Variants in ADGRA2 observed in about 807,000 individuals in gnomAD.
ADGRA2 encodes adhesion G protein-coupled receptor A2.
In ADGRA2, 61 loss-of-function variants were observed where a neutral mutation model predicts 98.7. That is an observed-to-expected ratio of 0.62 (90% CI 0.50 to 0.76). The LOEUF is 0.76. Ranked by LOEUF, ADGRA2 falls within the 30% of genes least tolerant of loss-of-function variation. The pLI, the probability that ADGRA2 is intolerant of heterozygous loss-of-function variation, is 0.00. For missense variants in ADGRA2, 1,712 were observed against 1,860.0 expected, an observed-to-expected ratio of 0.92 and a Z score of 1.46; for synonymous variants, 858 against 831.5, an observed-to-expected ratio of 1.03 and a Z score of -0.55.
rs1305313422 is a variant in ADGRA2 at position 37,828,162 on chromosome 8, A to G, written c.339-726A>G. Among the ~76,000 whole-genome samples the G allele has an allele frequency of 2.6e-5, 4 of 151,624 alleles. No homozygotes were observed. The East Asian group carries it at 7.8e-4, about 29-fold the overall frequency. On this transcript the variant is annotated intron_variant, in intron 2 of 18. Coordinates refer to ENST00000412232, the MANE Select transcript of ADGRA2 (RefSeq NM_032777.10). ...CTCAAAAACAAAACAAAACAAAACA[A>G]CTACCCCTCCCATGCGTCCCCTCCC...
Position 37,843,105 on chromosome 8 carries a change from C to T in ADGRA2, c.*750C>T, listed in dbSNP as rs1296938955. 2 of 152,444 alleles carry T rather than the reference C, an allele frequency of 1.3e-5. No homozygotes were observed. The highest frequency in any genetic ancestry group is 2.9e-5 in the Non-Finnish European group (2 of 68,220). The allele number at this position is 152,444 out of a possible 1,614,324, so 9.4% of individuals were successfully genotyped here. ...ACCTCAACAGCTGACTGCCAGGTGC[C>T]TGTGGGTGAACTGAGGGGAGTAGAG... is the stretch of plus-strand genomic sequence containing the variant. On this transcript the variant is annotated 3_prime_UTR_variant, in exon 19 of 19. Coordinates refer to ENST00000412232, the MANE Select transcript of ADGRA2 (RefSeq NM_032777.10).
chr8:37,841,285 G>A lies in ADGRA2; in HGVS notation c.2947G>A (p.Gly983Ser), dbSNP rs1228938865. Residue 983 changes from glycine to serine, a missense_variant, in exon 19 of 19, where the codon GGC (glycine) becomes AGC (serine). Gly to Ser is a moderately conservative substitution (Grantham distance 56). Transcript: ENST00000412232. This position sits in a 1 kb window ranked among gnomAD's most constrained non-coding sequence, Gnocchi z 5.0. ...LRGSTRLRGS[G>S]PLLSDSGSLL... is the part of the protein sequence containing the mutation. ...GGGTTCCACCAGGCTCAGGGGCAGC[G>A]GCCCCCTCCTGAGTGACTCAGGTTC... 1 of 1,611,022 alleles carries A rather than the reference G, an allele frequency of 6.2e-7. No individual in the cohort carries two copies. The highest frequency in any genetic ancestry group is 2.2e-5 in the East Asian group (1 of 44,818).
intron 2 of ADGRA2, among the ~76,000 whole-genome samples, chr8:37,824,553 G>C (rs576775498): frequency 2.1e-5 from 3 of 146,320 alleles, no homozygotes; most frequent in Non-Finnish European, 4.5e-5. Context: ...GAGTGCAATG[G>C]TGTGATCTCA....
chr8:37,805,652 G>A (rs867403667), intron 1 of ADGRA2, among the ~76,000 whole-genome samples: 12 of 151,796 alleles, frequency 7.9e-5, no homozygotes, highest in Non-Finnish European at 1.0e-4. Context: ...GGTGGATCAC[G>A]AGGTCAGGAG....
chr8:37,805,206 G>A (rs1369734137), intron 1 of ADGRA2, among the ~76,000 whole-genome samples: 1 of 152,214 alleles, frequency 6.6e-6, no homozygotes, highest in Non-Finnish European at 1.5e-5. Flanking sequence ...CCATCCTGGA[G>A]CTCTGCCCCT....
In ADGRA2 at chr8:37,839,640, C is replaced by T; in HGVS notation, c.2511+18C>T. ...GCCAGGCGGTAAGCAGGAGAAGGGG[C>T]TCTGGGGGTGGTGCTCCGAGATGAG... On this transcript the variant is annotated intron_variant, in intron 16 of 18. Coordinates refer to ENST00000412232, the MANE Select transcript of ADGRA2 (RefSeq NM_032777.10). The T allele has an allele frequency of 4.3e-6, 7 of 1,612,666 alleles. No homozygotes were observed. The highest frequency in any genetic ancestry group is 5.9e-6 in the Non-Finnish European group (7 of 1,179,208).
chr8:37,841,178 G>T lies in ADGRA2; in HGVS notation c.2840G>T (p.Gly947Val). 1 of 1,613,180 alleles carries T rather than the reference G, an allele frequency of 6.2e-7. No individual in the cohort carries two copies. Among genetic ancestry groups the T allele is most frequent in the South Asian group, 1.1e-5 (1 of 91,088 alleles). ...LITWIYFLCAGLRLRGPLAQN... is the reference protein window; with the variant it reads ...LITWIYFLCAVLRLRGPLAQN... Reference sequence around the variant, plus strand: ...ACCTGGATCTATTTCCTGTGCGCCGGGCTACGCTTACGGGGTCCTCTGGCA... The same window carrying T: ...ACCTGGATCTATTTCCTGTGCGCCGTGCTACGCTTACGGGGTCCTCTGGCA... Residue 947 changes from glycine (G) to valine (V), a missense_variant, in exon 19 of 19, where the codon GGG becomes GTG. Coordinates refer to ENST00000412232, the MANE Select transcript of ADGRA2 (RefSeq NM_032777.10). This position sits in a 1 kb window ranked among gnomAD's most constrained non-coding sequence, Gnocchi z 5.0.
In ADGRA2 at chr8:37,839,082, AG is replaced by A. The variant is rs1310931068; in HGVS notation, c.2387+1del. The stretch of plus-strand genomic sequence containing the variant: ...CATCATCACCTACATCCTCAACCAC[AG>A]GTGGGTGCTCCTGCAGGAGGGAGGG... ...ATIITYILNH[S>X]SIRVSRKGWH... On this transcript the variant is annotated frameshift_variant and splice_region_variant, in exon 15 of 19. Coordinates refer to ENST00000412232, the MANE Select transcript of ADGRA2 (RefSeq NM_032777.10). LOFTEE classifies it high-confidence loss of function. The A allele has an allele frequency of 2.2e-5, 36 of 1,607,936 alleles. No homozygotes were observed. Among genetic ancestry groups the A allele is most frequent in the Non-Finnish European group, 3.0e-5 (35 of 1,176,980 alleles).
intron 2 of ADGRA2, 60 bp from the exon 3 acceptor site, chr8:37,828,828 C>G: frequency 7.2e-7 from 1 of 1,385,038 alleles, no homozygotes; most frequent in Non-Finnish European, 9.9e-7. Flanking sequence ...GGACCCCTCC[C>G]GGGGAGCAGG....
In ADGRA2 at chr8:37,833,983, T is replaced by C. The variant is rs1805535106; in HGVS notation, c.1463T>C (p.Val488Ala). The C allele has an allele frequency of 6.2e-7, 1 of 1,612,764 alleles. No individual in the cohort carries two copies. Among genetic ancestry groups the C allele is most frequent in the Non-Finnish European group, 8.5e-7 (1 of 1,179,602 alleles). Residue 488 changes from valine (V) to alanine (A), a missense_variant, in exon 11 of 19, where the codon GTG (valine) becomes GCG (alanine). Val to Ala is a moderately conservative substitution (Grantham distance 64). Transcript: ENST00000412232. ...TCCCCCCAGCTGGTAGAGGTGATGG[T>C]GGACATGGCCAGCAACCTGATGCTG... ...DQIKELVEVMVDMASNLMLVD... is the reference protein window; with the variant it reads ...DQIKELVEVMADMASNLMLVD...
At chr8:37,806,403 G>A (rs1380530030) in intron 1 of ADGRA2, among the ~76,000 whole-genome samples, 1 of 151,996 alleles carries the variant, frequency 6.6e-6, no homozygotes, top group African/African-American at 2.4e-5. Context: ...TCCCCATCAA[G>A]GTATACTGAT....
chr8:37,828,481 CTTT>C (rs35779657), intron 2 of ADGRA2, among the ~76,000 whole-genome samples: 2 of 82,982 alleles, frequency 2.4e-5, no homozygotes, highest in East Asian at 4.2e-4. Flanking sequence ...GGGGGTGGTT[CTTT>C]TTTTTTTTTT....
chr8:37,822,485 G>A (rs1013391308), intron 2 of ADGRA2, among the ~76,000 whole-genome samples: 21 of 151,306 alleles, frequency 1.4e-4, no homozygotes, highest in African/African-American at 3.9e-4. Context: ...AAGTTCACCC[G>A]TTTAAAAAAA....
Position 37,829,874 on chromosome 8 carries a change from C to A in ADGRA2, c.578C>A (p.Thr193Asn). ...KVVDLGTEFL[T>N]CDCHLRWLLP... ...AGGGACTTGGGCACCGAGTTCCTGA[C>A]CTGTGACTGCCACCTGCGCTGGCTG... Residue 193 changes from threonine (T) to asparagine (N), a missense_variant, in exon 6 of 19, where the codon ACC becomes AAC. By Grantham distance (65) the Thr-to-Asn change is moderately conservative. Transcript: ENST00000412232. 1 of 1,612,754 alleles carries A rather than the reference C, an allele frequency of 6.2e-7. No homozygotes were observed. Among genetic ancestry groups the A allele is most frequent in the Non-Finnish European group, 8.5e-7 (1 of 1,179,796 alleles).
rs755107528 is a variant in ADGRA2, at chr8:37,833,677, C to T, written c.1297-11C>T. 5.6e-6 allele frequency: 9 copies of T among 1,613,598 alleles called. No individual in the cohort carries two copies. Among genetic ancestry groups the T allele is most frequent in the South Asian group, 1.1e-5 (1 of 91,064 alleles). Reference sequence around the variant, plus strand: ...AGGCGAGATGATCCTCTCTCTTCCCCCAATCCCCAGATGCCCATCAATGCC... The same window carrying T: ...AGGCGAGATGATCCTCTCTCTTCCCTCAATCCCCAGATGCCCATCAATGCC... On this transcript the variant is annotated splice_polypyrimidine_tract_variant and intron_variant, in intron 9 of 18. Coordinates refer to ENST00000412232, the MANE Select transcript of ADGRA2 (RefSeq NM_032777.10).
Position 37,823,036 on chromosome 8 carries a change from C to T in ADGRA2, c.339-5852C>T, listed in dbSNP as rs544162550. ...CCTCCTGAGTACCTGGGATTACAGG[C>T]GCGCACTACCACACCCGGCTAATTT... is the stretch of plus-strand genomic sequence containing the variant. On this transcript the variant is annotated intron_variant, in intron 2 of 18. Transcript: ENST00000412232. Among the ~76,000 whole-genome samples, 8 of 151,792 alleles carry T rather than the reference C, an allele frequency of 5.3e-5. No individual in the cohort carries two copies. In the East Asian group the frequency reaches 9.7e-4, roughly 18 times the overall value.
At chr8:37,803,500 AT>A (rs1477835502) in intron 1 of ADGRA2, among the ~76,000 whole-genome samples, 1 of 152,138 alleles carries the variant, frequency 6.6e-6, no homozygotes, top group African/African-American at 2.4e-5. Context: ...GTTTATTTTC[AT>A]TCCCCCAGCC....
At chr8:37,820,063 C>T (rs1233385489) in intron 2 of ADGRA2, among the ~76,000 whole-genome samples, 2 of 152,196 alleles carry the variant, frequency 1.3e-5, no homozygotes, top group African/African-American at 4.8e-5. Flanking sequence ...AGAAGTCAGA[C>T]AGGAGCAGAC....
chr8:37,797,354 C>T lies in ADGRA2; in HGVS notation c.86C>T (p.Pro29Leu), dbSNP rs1804359300. The change falls in exon 1 of 19, where the codon CCC becomes CTC. Residue 29 changes from proline to leucine, a missense_variant. Transcript: ENST00000412232. This position sits in a 1 kb window ranked among gnomAD's most constrained non-coding sequence, Gnocchi z 5.3. ...LLPWLLLLLA[P>L]EARGAPGCPL... ...CCGTGGCTCCTGCTGCTCCTGGCGC[C>T]CGAGGCTCGGGGCGCGCCCGGCTGC... 6.4e-6 allele frequency: 9 copies of T among 1,409,766 alleles called. No individual in the cohort carries two copies. The highest frequency in any genetic ancestry group is 7.4e-6 in the Non-Finnish European group (8 of 1,084,290). The allele number at this position is 1,409,766 out of a possible 1,614,324, so 87.3% of individuals were successfully genotyped here.
Sources: gnomAD v4.1 joint callset for allele counts (sites outside exome capture counted in the v4.1 genomes callset) on GRCh38, gnomAD v4.1.1 for gene constraint, Gnocchi (gnomAD v3.1) non-coding constraint, MANE v1.5 for transcripts, NCBI Gene and HGNC (gene_info 2026-07-23, HGNC 2026-07-21) for gene names.